The following MANBA variants were observed in gnomAD, a reference collection of about 807,000 sequenced individuals.
MANBA encodes beta-mannosidase.
In MANBA, 83 loss-of-function variants were observed where a neutral mutation model predicts 111.1. The observed-to-expected ratio is 0.75, with a 90% CI of 0.63 to 0.90. The LOEUF is 0.90. Among genes scored for constraint, MANBA ranks in the 40% least tolerant of loss-of-function variants. The pLI is 0.00. For missense variants in MANBA, 1,036 were observed against 1,069.0 expected, an observed-to-expected ratio of 0.97 and a Z score of 0.43; for synonymous variants, 370 against 378.7, an observed-to-expected ratio of 0.98 and a Z score of 0.27.
chr4:102,704,728 T>C (rs987061742), intron 5 of MANBA, among the ~76,000 whole-genome samples: 3 of 151,266 alleles, frequency 2.0e-5, no homozygotes, highest in Admixed American at 1.3e-4. Flanking sequence ...GTCTTCCAGA[T>C]AAAAATTGAA....
intron 10 of MANBA, chr4:102,667,662 A>C (rs932201448): frequency 7.2e-5 from 11 of 152,226 alleles, no homozygotes; most frequent in African/African-American, 2.4e-4. Context: ...ATTGAGGCTC[A>C]AGAGGTAAAG....
chr4:102,728,579 T>C (rs1295461302), intron 1 of MANBA: 1 of 432,366 alleles, frequency 2.3e-6, no homozygotes, highest in Non-Finnish European at 4.2e-6. Flanking sequence ...ATTGAATTGT[T>C]TTGTAGCTGA....
At chr4:102,752,538 A>C (rs1417638086) in intron 1 of MANBA, 1 of 702,042 alleles carries the variant, frequency 1.4e-6, no homozygotes, top group African/African-American at 1.7e-5. Context: ...CAAAGTTCTG[A>C]GTGTAGACTG....
At chr4:102,677,725 T>G (rs1055427089) in intron 7 of MANBA, among the ~76,000 whole-genome samples, 7 of 152,174 alleles carry the variant, frequency 4.6e-5, no homozygotes, top group African/African-American at 9.6e-5. Context: ...ATATTGCAAA[T>G]TGACTGAAGG....
intron 7 of MANBA, among the ~76,000 whole-genome samples, chr4:102,675,183 G>A (rs1021827535): frequency 6.6e-6 from 1 of 152,194 alleles, no homozygotes; most frequent in African/African-American, 2.4e-5. Flanking sequence ...AGTGTGGCCT[G>A]GGGACTCCAG....
At chr4:102,673,323 A>G (rs1466214729) in intron 8 of MANBA, among the ~76,000 whole-genome samples, 2 of 152,118 alleles carry the variant, frequency 1.3e-5, no homozygotes, top group South Asian at 2.1e-4. Flanking sequence ...CCTGGCCTAC[A>G]TAGTGAAACC....
chr4:102,684,714 T>C (rs919702750), intron 7 of MANBA, among the ~76,000 whole-genome samples: 9 of 152,222 alleles, frequency 5.9e-5, no homozygotes, highest in Non-Finnish European at 1.2e-4. Flanking sequence ...GAACCCCATA[T>C]ATACTATGAC....
At chr4:102,742,722 G>A (rs1723448351) in intron 1 of MANBA, among the ~76,000 whole-genome samples, 1 of 152,190 alleles carries the variant, frequency 6.6e-6, no homozygotes, top group Non-Finnish European at 1.5e-5. Context: ...GGTAGTCTTG[G>A]CAGAAGCATT....
chr4:102,708,865 A>T (rs752710608), intron 5 of MANBA, among the ~76,000 whole-genome samples: 7 of 151,798 alleles, frequency 4.6e-5, no homozygotes, highest in Non-Finnish European at 8.8e-5. Flanking sequence ...ATTATATACA[A>T]AATATATATA....
intron 1 of MANBA, chr4:102,730,390 G>A (rs1426063404): frequency 5.3e-5 from 26 of 488,330 alleles, no homozygotes; most frequent in East Asian, 8.0e-5. Context: ...GTAGCAAGTC[G>A]GCAACCTTGC....
At chr4:102,749,743 A>G (rs961366945) in intron 1 of MANBA, among the ~76,000 whole-genome samples, 2 of 152,236 alleles carry the variant, frequency 1.3e-5, no homozygotes. Flanking sequence ...ACAAGTGCAC[A>G]TGAAAGGGCC....
chr4:102,752,053 G>A, intron 1 of MANBA: 1 of 755,168 alleles, frequency 1.3e-6, no homozygotes. Context: ...CTGGTCTACA[G>A]TCCCTACAGA....
chr4:102,727,212 TG>T, intron 1 of MANBA: 1 of 407,064 alleles, frequency 2.5e-6, no homozygotes. Flanking sequence ...GGCACTTTCC[TG>T]GAAGATGCTA....
intron 11 of MANBA, 120 bp downstream of exon 11, chr4:102,664,562 TCTC>T: frequency 1.2e-6 from 1 of 824,250 alleles, no homozygotes; most frequent in Non-Finnish European, 2.0e-6. Flanking sequence ...GTGGTCTCGA[TCTC>T]CTGACCTTGT....
chr4:102,633,028 A>G (rs1729459800), intron 16 of MANBA, among the ~76,000 whole-genome samples: 1 of 152,244 alleles, frequency 6.6e-6, no homozygotes, highest in Non-Finnish European at 1.5e-5. Context: ...TCAGTCTTAC[A>G]TTATATGTTA....
chr4:102,644,882 T>TA (rs1730034120), intron 13 of MANBA, among the ~76,000 whole-genome samples: 6 of 152,118 alleles, frequency 3.9e-5, no homozygotes, highest in South Asian at 2.1e-4. Flanking sequence ...ATATATATTT[T>TA]TAATTTATCA....
chr4:102,739,803 A>G (rs1723339272), intron 1 of MANBA, among the ~76,000 whole-genome samples: 1 of 152,248 alleles, frequency 6.6e-6, no homozygotes, highest in African/African-American at 2.4e-5. Flanking sequence ...TCAGGAAATA[A>G]AAGTCATCTG....
At chr4:102,734,684 TC>T in intron 1 of MANBA, 1 of 1,079,820 alleles carries the variant, frequency 9.3e-7, no homozygotes, top group East Asian at 2.4e-5. Context: ...GGAATCTATA[TC>T]CTGTTCCCCC....
At chr4:102,704,565 G>A (rs1406706276) in intron 5 of MANBA, among the ~76,000 whole-genome samples, 2 of 151,670 alleles carry the variant, frequency 1.3e-5, no homozygotes, top group Non-Finnish European at 2.9e-5. Context: ...TTTTTATTAT[G>A]AACTAAGCTT....
Sources: gnomAD v4.1 joint callset for allele counts (sites outside exome capture counted in the v4.1 genomes callset) on GRCh38, gnomAD v4.1.1 for gene constraint, MANE v1.5 for transcripts, NCBI Gene and HGNC (gene_info 2026-07-23, HGNC 2026-07-21) for gene names.